The following FBXO31 variants were observed in gnomAD, a reference collection of about 807,000 sequenced individuals.
FBXO31 encodes F-box protein 31.
A neutral mutation model predicts 54.4 loss-of-function variants in FBXO31; 24 were observed. The ratio of observed to expected loss-of-function variants is 0.44; its 90% CI spans 0.32 to 0.62. FBXO31 has a LOEUF of 0.62. Among genes scored for constraint, FBXO31 ranks in the 20% least tolerant of loss-of-function variants. FBXO31 has a pLI of 0.05. For synonymous variants in FBXO31, 388 were observed against 335.6 expected (o/e 1.16, Z -1.71); for missense variants, 665 against 787.1 (o/e 0.84, Z 1.86).
In FBXO31 at chr16:87,331,527, G is replaced by A. The variant is rs748646524; in HGVS notation, c.1398-17C>T. 13 of 1,580,546 alleles carry A rather than the reference G, an allele frequency of 8.2e-6. No homozygotes were observed. The Admixed American group carries it at 2.3e-4, about 27-fold the overall frequency. The stretch of plus-strand genomic sequence containing the variant: ...CCATAAAAACTGAGCAGAAACAAGA[G>A]GGAAACTGTGAGCTGGGGGAGGGCT... On this transcript the variant is annotated splice_polypyrimidine_tract_variant and intron_variant, in intron 8 of 8. Transcript: ENST00000311635.
chr16:87,334,734 C>T (rs4843236), intron 7 of FBXO31, among the ~76,000 whole-genome samples: 145,417 of 152,324 alleles, frequency 0.95, 69,789 homozygotes, highest in East Asian at 1. Context: ...GAATAGGCTT[C>T]GCCCCTTCAG....
At chr16:87,347,364 G>A (rs1057392125) in intron 2 of FBXO31, 114 bp from the exon 3 acceptor site, 1 of 874,452 alleles carries the variant, frequency 1.1e-6, no homozygotes. Context: ...GCTTGCAAGA[G>A]CCCTCCAAAC....
At chr16:87,347,958 A>G (rs1905467751) in intron 2 of FBXO31, among the ~76,000 whole-genome samples, 1 of 152,220 alleles carries the variant, frequency 6.6e-6, no homozygotes, top group East Asian at 1.9e-4. Context: ...CTGAAGGCCC[A>G]GGACACAACT....
At chr16:87,333,098 C>T (rs890408856) in intron 8 of FBXO31, among the ~76,000 whole-genome samples, 2 of 152,240 alleles carry the variant, frequency 1.3e-5, no homozygotes, top group African/African-American at 2.4e-5. Context: ...GGTAAGGACA[C>T]GGGGCAGGGC....
intron 2 of FBXO31, among the ~76,000 whole-genome samples, chr16:87,355,810 C>T (rs1005283836): frequency 3.9e-5 from 6 of 152,218 alleles, no homozygotes; most frequent in African/African-American, 1.4e-4. Context: ...CCACCTGCCT[C>T]GGGGACAAAA....
At chr16:87,379,421 G>T (rs1360808904) in intron 1 of FBXO31, among the ~76,000 whole-genome samples, 2 of 152,162 alleles carry the variant, frequency 1.3e-5, no homozygotes, top group Non-Finnish European at 2.9e-5. Context: ...AAACAGGCTT[G>T]TTTACTTATG....
chr16:87,389,308 G>A (rs1007387229), intron 1 of FBXO31, among the ~76,000 whole-genome samples: 2 of 152,176 alleles, frequency 1.3e-5, no homozygotes, highest in Non-Finnish European at 2.9e-5. Flanking sequence ...GAAGTTAGGC[G>A]TAGAAGTGTC....
chr16:87,333,627 T>C (rs1368674887), intron 8 of FBXO31, among the ~76,000 whole-genome samples: 1 of 152,202 alleles, frequency 6.6e-6, no homozygotes, highest in Non-Finnish European at 1.5e-5. Flanking sequence ...GGAAGCCTCA[T>C]GCCCCTGCAG....
intron 1 of FBXO31, among the ~76,000 whole-genome samples, chr16:87,370,572 C>T (rs976068811): frequency 1.3e-5 from 2 of 152,126 alleles, no homozygotes; most frequent in African/African-American, 4.8e-5. Flanking sequence ...GAATAGGAGC[C>T]TGTGGGTGGG....
chr16:87,388,950 T>G (rs1597385067), intron 1 of FBXO31, among the ~76,000 whole-genome samples: 1 of 152,322 alleles, frequency 6.6e-6, no homozygotes. Context: ...TATGCTTATA[T>G]TAACTAGCTT....
chr16:87,383,319 C>A lies in FBXO31; in HGVS notation c.340+86G>T. On this transcript the variant is annotated intron_variant, in intron 1 of 8. Coordinates refer to ENST00000311635, the MANE Select transcript of FBXO31 (RefSeq NM_024735.5). This position sits in a 1 kb window ranked among gnomAD's most constrained non-coding sequence, Gnocchi z 4.9. The stretch of plus-strand genomic sequence containing the variant: ...CCAACTGGTGGCCCCCGGCCGGGGC[C>A]ACCGCCCCCGCCACTCCCAGCTCCG... 7.9e-7 allele frequency: 1 copy of A among 1,266,368 alleles called. No homozygotes were observed. The allele number at this position is 1,266,368 out of a possible 1,614,324, so 78.4% of individuals were successfully genotyped here.
chr16:87,333,504 TCTA>T (rs1371424833), intron 8 of FBXO31, among the ~76,000 whole-genome samples: 2 of 152,246 alleles, frequency 1.3e-5, no homozygotes, highest in African/African-American at 4.8e-5. Context: ...TTGTTCATTC[TCTA>T]CTTTCAAAGC....
intron 3 of FBXO31, among the ~76,000 whole-genome samples, chr16:87,344,029 T>A (rs1287394587): frequency 6.6e-6 from 1 of 152,190 alleles, no homozygotes; most frequent in Non-Finnish European, 1.5e-5. Flanking sequence ...GGGGTGCATC[T>A]CCCAACAGGA....
chr16:87,331,178 G>A lies in FBXO31; in HGVS notation c.*110C>T. The A allele has an allele frequency of 1.9e-6, 2 of 1,070,852 alleles. No homozygotes were observed. The highest frequency in any genetic ancestry group is 1.5e-5 in the South Asian group (1 of 66,880). 66.3% of individuals were successfully genotyped at this position (1,070,852 alleles called of 1,614,324 possible). A position where few individuals can be genotyped will look rare whatever the true frequency, so the allele number is the denominator to read the frequency against. On this transcript the variant is annotated 3_prime_UTR_variant, in exon 9 of 9. Transcript: ENST00000311635. ...GCTGGACTGGGCCCCCCGACGAGGT[G>A]TGCGTTCTGGTCAAAAGGCCGGATT...
At position 87,329,420 on chromosome 16, in the gene FBXO31, C is replaced by T. The variant is rs571469582; in HGVS notation, c.*1868G>A. On this transcript the variant is annotated 3_prime_UTR_variant, in exon 9 of 9. Transcript: ENST00000311635. ...CCCAAAGGGCACGCCTCTAGGACTGCGTCCCTTAGAGCGAGGCTCGGGCTC... is the reference window on the plus strand; with the variant it reads ...CCCAAAGGGCACGCCTCTAGGACTGTGTCCCTTAGAGCGAGGCTCGGGCTC... 8 of 152,402 alleles carry T rather than the reference C, an allele frequency of 5.2e-5. No individual in the cohort carries two copies. The highest frequency in any genetic ancestry group is 4.6e-4 in the Admixed American group (7 of 15,308). 9.4% of individuals were successfully genotyped at this position (152,402 alleles called of 1,614,324 possible). A position where few individuals can be genotyped will look rare whatever the true frequency, so the allele number is the denominator to read the frequency against.
rs1164470732 is a variant in FBXO31 at position 87,383,581 on chromosome 16, C to T, written c.164G>A (p.Cys55Tyr). Residue 55 changes from cysteine to tyrosine, a missense_variant, in exon 1 of 9, where the codon TGC (cysteine) becomes TAC (tyrosine). This residue lies in a region of FBXO31 where 195 missense variants were observed against 174.8 expected (regional missense o/e 1.12). Coordinates refer to ENST00000311635, the MANE Select transcript of FBXO31 (RefSeq NM_024735.5). This position sits in a 1 kb window ranked among gnomAD's most constrained non-coding sequence, Gnocchi z 4.9. ...CGGGGGCGGCGGCGAGGGGCCCGCGCACAAGCCGCCCCCGACCCCGGCGCT... is the reference window on the plus strand; with the variant it reads ...CGGGGGCGGCGGCGAGGGGCCCGCGTACAAGCCGCCCCCGACCCCGGCGCT... ...EASAGVGGGL[C>Y]AGPSPPPPRC... 5 of 1,494,720 alleles carry T rather than the reference C, an allele frequency of 3.3e-6. No homozygotes were observed. The highest frequency in any genetic ancestry group is 2.3e-4 in the Middle Eastern group (1 of 4,402). 92.6% of individuals were successfully genotyped at this position (1,494,720 alleles called of 1,614,324 possible).
In FBXO31 at chr16:87,329,355, T is replaced by C. The variant is rs1013701346; in HGVS notation, c.*1933A>G. On this transcript the variant is annotated 3_prime_UTR_variant, in exon 9 of 9. Coordinates refer to ENST00000311635, the MANE Select transcript of FBXO31 (RefSeq NM_024735.5). ...GCGTAATTGAGATCTGAGATTCCTT[T>C]AATCAGAAGCACGTGCGTCCCACAG... The C allele has an allele frequency of 2.6e-5, 4 of 152,316 alleles. No homozygotes were observed. Among genetic ancestry groups the C allele is most frequent in the Non-Finnish European group, 4.4e-5 (3 of 68,070 alleles). 9.4% of individuals were successfully genotyped at this position (152,316 alleles called of 1,614,324 possible).
chr16:87,333,997 T>C lies in FBXO31; in HGVS notation c.1286A>G (p.Asp429Gly). Reference protein sequence around the residue: ...TPGEDGGEPGDAVAAAEQPAQ... With the variant: ...TPGEDGGEPGGAVAAAEQPAQ... ...AGGCTGCTCGGCCGCAGCTACGGCA[T>C]CCCCAGGCTCGCCACCATCCTCACC... The change falls in exon 8 of 9, where the codon GAT (aspartate) becomes GGT (glycine). Residue 429 changes from aspartate to glycine, a missense_variant. Around this residue, in one of 4 missense-constraint regions of FBXO31, gnomAD observed 165 missense variants for 159.7 expected, o/e 1.03. Coordinates refer to ENST00000311635, the MANE Select transcript of FBXO31 (RefSeq NM_024735.5). 6.2e-7 allele frequency: 1 copy of C among 1,612,820 alleles called. No homozygotes were observed. The highest frequency in any genetic ancestry group is 8.5e-7 in the Non-Finnish European group (1 of 1,179,822).
intron 2 of FBXO31, among the ~76,000 whole-genome samples, chr16:87,347,947 G>A (rs1597365804): frequency 6.6e-6 from 1 of 152,166 alleles, no homozygotes; most frequent in African/African-American, 2.4e-5. Context: ...TGTCACACTC[G>A]CTGAAGGCCC....
Sources: allele counts gnomAD v4.1 joint callset (sites outside exome capture counted in the v4.1 genomes callset), GRCh38; gene constraint gnomAD v4.1.1; regional missense constraint gnomAD v4.1.1; non-coding constraint Gnocchi (gnomAD v3.1); transcripts MANE v1.5; gene names NCBI Gene and HGNC (gene_info 2026-07-23, HGNC 2026-07-21).